The following ZBTB7B variants were observed in gnomAD, a reference collection of about 807,000 sequenced individuals.
ZBTB7B encodes the protein zinc finger and BTB domain-containing protein 7B.
Under a neutral mutation model 31.0 loss-of-function variants are expected in ZBTB7B, and 8 were observed. That is an observed-to-expected ratio of 0.26 (90% CI 0.15 to 0.47). The LOEUF (loss-of-function observed/expected upper bound fraction) is 0.47. Ranked by LOEUF, ZBTB7B falls within the 20% of genes least tolerant of loss-of-function variation. The pLI, the probability that ZBTB7B is intolerant of heterozygous loss-of-function variation, is 0.99. For synonymous variants in ZBTB7B, 261 were observed against 307.3 expected (o/e 0.85, Z 1.58); for missense variants, 494 against 742.4 (o/e 0.67, Z 3.89).
Position 155,004,715 on chromosome 1 carries a change from G to A in ZBTB7B, c.-7+1772G>A, listed in dbSNP as rs1231342596. ...CCCCTGGAGCAGCTGATGAAACAAG[G>A]AGAAATCTCTGTCAGTGCCTCTGTC... On this transcript the variant is annotated intron_variant, in intron 1 of 2. Coordinates refer to ENST00000535420, the MANE Select transcript of ZBTB7B (RefSeq NM_001256455.2). This position sits in a 1 kb window ranked among gnomAD's most constrained non-coding sequence, Gnocchi z 4.0. 1.3e-5 allele frequency among the ~76,000 whole-genome samples: 2 copies of A among 152,068 alleles called. No homozygotes were observed. The highest frequency in any genetic ancestry group is 2.9e-5 in the Non-Finnish European group (2 of 67,974).
At position 155,009,651 on chromosome 1, in the gene ZBTB7B, T is replaced by C. The variant is rs1658817269; in HGVS notation, c.-6-5004T>C. On this transcript the variant is annotated intron_variant, in intron 1 of 2. Coordinates refer to ENST00000535420, the MANE Select transcript of ZBTB7B (RefSeq NM_001256455.2). ...GCTGCAAACCCCCCTCCACCACTCA[T>C]TCTCCCCAACTGGCTCCCAAATTGT... is the stretch of plus-strand genomic sequence containing the variant. Among the ~76,000 whole-genome samples the C allele has an allele frequency of 1.4e-5, 2 of 147,650 alleles. 1 individual carries two copies. Among genetic ancestry groups the C allele is most frequent in the South Asian group, 4.7e-4 (2 of 4,284 alleles).
rs977787134 is a variant in ZBTB7B, at chr1:155,018,301, C to T, written c.*1616C>T. On this transcript the variant is annotated 3_prime_UTR_variant, in exon 3 of 3. Transcript: ENST00000535420. Reference sequence around the variant, plus strand: ...GGGGAGATCGGGTTGTCCTGGGCCTCATCTTAGCATTTCAGGTGATGGGGG... The same window carrying T: ...GGGGAGATCGGGTTGTCCTGGGCCTTATCTTAGCATTTCAGGTGATGGGGG... 204 of 558,928 alleles carry T rather than the reference C, an allele frequency of 3.6e-4. No individual in the cohort carries two copies. The highest frequency in any genetic ancestry group is 1.3e-3 in the Admixed American group (41 of 31,976). The allele number at this position is 558,928 out of a possible 1,614,324, so 34.6% of individuals were successfully genotyped here. A position where few individuals can be genotyped will look rare whatever the true frequency, so the allele number is the denominator to read the frequency against.
chr1:155,015,827 G>C lies in ZBTB7B; in HGVS notation c.1154+13G>C, dbSNP rs565939396. The C allele has an allele frequency of 1.2e-5, 19 of 1,604,944 alleles. No homozygotes were observed. Among genetic ancestry groups the C allele is most frequent in the Admixed American group, 8.4e-5 (5 of 59,802 alleles). On this transcript the variant is annotated intron_variant, in intron 2 of 2. Coordinates refer to ENST00000535420, the MANE Select transcript of ZBTB7B (RefSeq NM_001256455.2). ...TTCGATTCACCAGGTGAGCAGCAAG[G>C]GGGGAAGGGCCCGGCAGGGGCCATG...
chr1:155,015,760 C>T lies in ZBTB7B; in HGVS notation c.1100C>T (p.Thr367Ile). 6.2e-7 allele frequency: 1 copy of T among 1,612,300 alleles called. No homozygotes were observed. Among genetic ancestry groups the T allele is most frequent in the Non-Finnish European group, 8.5e-7 (1 of 1,179,978 alleles). ...GAGKLPRHMR[T>I]HTGEKPFACE... ...GGCAAACTGCCTCGCCACATGAGGA[C>T]CCACACAGGCGAGAAGCCCTTTGCC... The change falls in exon 2 of 3, where the codon ACC (threonine) becomes ATC (isoleucine). Residue 367 changes from threonine to isoleucine, a missense_variant. By Grantham distance (89) the Thr-to-Ile change is moderately conservative. Transcript: ENST00000535420.
In ZBTB7B at chr1:155,015,206, A is replaced by G. The variant is rs749061400; in HGVS notation, c.546A>G (p.Pro182=). The part of the protein sequence containing the change: ...SGVPNGEDSP[P]QVPLPPPPPP... ...TTCCCAATGGTGAAGACAGTCCTCC[A>G]CAGGTGCCCCTCCCACCACCTCCGC... Residue 182 remains proline, a synonymous_variant, in exon 2 of 3, where the codon CCA becomes CCG. Transcript: ENST00000535420. The G allele has an allele frequency of 6.2e-7, 1 of 1,613,750 alleles. No individual in the cohort carries two copies. The highest frequency in any genetic ancestry group is 1.7e-5 in the Admixed American group (1 of 60,020).
rs1571503350 is a variant in ZBTB7B, at chr1:155,004,070, G to T, written c.-7+1127G>T. Among the ~76,000 whole-genome samples, 4 of 152,304 alleles carry T rather than the reference G, an allele frequency of 2.6e-5. No individual in the cohort carries two copies. Among genetic ancestry groups the T allele is most frequent in the African/African-American group, 9.6e-5 (4 of 41,578 alleles). On this transcript the variant is annotated intron_variant, in intron 1 of 2. Transcript: ENST00000535420. The surrounding 1 kb of genome is among the most constrained non-coding windows in gnomAD (Gnocchi z 4.0). The stretch of plus-strand genomic sequence containing the variant: ...GTGAGACCTCGGGGCGCCCTGGGGG[G>T]CAGGGGGGCGGGGAGCCTGGGTCCG...
At position 155,014,673 on chromosome 1, in the gene ZBTB7B, G is replaced by C. The variant is rs376255260; in HGVS notation, c.13G>C (p.Glu5Gln). Residue 5 changes from glutamate (E) to glutamine (Q), a missense_variant, in exon 2 of 3, where the codon GAG (glutamate) becomes CAG (glutamine). Physicochemically the swap from Glu to Gln is conservative, Grantham distance 29. Around this residue, in one of 5 missense-constraint regions of ZBTB7B, gnomAD observed 26 missense variants for 80.4 expected, o/e 0.32. Coordinates refer to ENST00000535420, the MANE Select transcript of ZBTB7B (RefSeq NM_001256455.2). Reference protein sequence around the residue: MGSPEDDLIGIPFPD... With the variant: MGSPQDDLIGIPFPD... ...TCTGCAGGAGAAGATGGGGAGCCCCGAGGATGACCTGATTGGGATTCCATT... is the reference window on the plus strand; with the variant it reads ...TCTGCAGGAGAAGATGGGGAGCCCCCAGGATGACCTGATTGGGATTCCATT... 5.6e-6 allele frequency: 9 copies of C among 1,612,550 alleles called. No homozygotes were observed. Among genetic ancestry groups the C allele is most frequent in the Non-Finnish European group, 7.6e-6 (9 of 1,178,946 alleles).
rs759778269 is a variant in ZBTB7B at position 155,016,331 on chromosome 1, C to T, written c.1266C>T (p.His422=). 35 of 1,614,018 alleles carry T rather than the reference C, an allele frequency of 2.2e-5. No individual in the cohort carries two copies. Among genetic ancestry groups the T allele is most frequent in the African/African-American group, 2.7e-5 (2 of 74,886 alleles). ...GCTACGACCTCAAGAACCACATGCA[C>T]CTGCACACAGGGGACCGGCCCTATG... is the stretch of plus-strand genomic sequence containing the variant. ...LHSYDLKNHM[H]LHTGDRPYEC... Residue 422 remains histidine, a synonymous_variant, in exon 3 of 3, where the codon CAC becomes CAT. Transcript: ENST00000535420. This position sits in a 1 kb window ranked among gnomAD's most constrained non-coding sequence, Gnocchi z 4.3.
Position 155,016,113 on chromosome 1 carries a change from A to G in ZBTB7B, c.1155-107A>G, listed in dbSNP as rs1323779086. On this transcript the variant is annotated intron_variant, in intron 2 of 2. Transcript: ENST00000535420. This position sits in a 1 kb window ranked among gnomAD's most constrained non-coding sequence, Gnocchi z 4.3. ...TATCTCCTGGGGCAATAGTGGGGTAACAAATGGTGAGGAACAGGGATGGGA... is the reference window on the plus strand; with the variant it reads ...TATCTCCTGGGGCAATAGTGGGGTAGCAAATGGTGAGGAACAGGGATGGGA... 5.6e-6 allele frequency: 7 copies of G among 1,246,342 alleles called. No homozygotes were observed. The highest frequency in any genetic ancestry group is 7.9e-6 in the Non-Finnish European group (7 of 888,358). 77.2% of individuals were successfully genotyped at this position (1,246,342 alleles called of 1,614,324 possible). A position where few individuals can be genotyped will look rare whatever the true frequency, so the allele number is the denominator to read the frequency against.
upstream of ZBTB7B, among the ~76,000 whole-genome samples, chr1:155,002,121 C>G (rs985252954): frequency 6.6e-6 from 1 of 152,046 alleles, no homozygotes; most frequent in African/African-American, 2.4e-5. Context: ...CCCCTCCCCC[C>G]TCCTCTCCAG....
Position 155,015,378 on chromosome 1 carries a change from G to A in ZBTB7B, c.718G>A (p.Gly240Ser). 2 of 1,571,554 alleles carry A rather than the reference G, an allele frequency of 1.3e-6. No individual in the cohort carries two copies. The highest frequency in any genetic ancestry group is 1.7e-6 in the Non-Finnish European group (2 of 1,155,486). The change falls in exon 2 of 3, where the codon GGC becomes AGC. Residue 240 changes from glycine (G) to serine (S), a missense_variant. Coordinates refer to ENST00000535420, the MANE Select transcript of ZBTB7B (RefSeq NM_001256455.2). ...PLTYEEEEVAGRVGSSGGSGP... is the reference protein window; with the variant it reads ...PLTYEEEEVASRVGSSGGSGP... The stretch of plus-strand genomic sequence containing the variant: ...GACCTATGAGGAGGAGGAGGTGGCG[G>A]GCAGAGTGGGCAGCAGTGGGGGCAG...
rs1658429075 is a variant in ZBTB7B at position 155,004,315 on chromosome 1, A to C, written c.-7+1372A>C. Among the ~76,000 whole-genome samples, 1 of 152,150 alleles carries C rather than the reference A, an allele frequency of 6.6e-6. No individual in the cohort carries two copies. The highest frequency in any genetic ancestry group is 2.1e-4 in the South Asian group (1 of 4,830). On this transcript the variant is annotated intron_variant, in intron 1 of 2. Coordinates refer to ENST00000535420, the MANE Select transcript of ZBTB7B (RefSeq NM_001256455.2). This position sits in a 1 kb window ranked among gnomAD's most constrained non-coding sequence, Gnocchi z 4.0. Reference sequence around the variant, plus strand: ...AGAATGGGAATGAGTCAGCGCAGCTATTCCCCCTTCCCCCAACTTATTCCT... The same window carrying C: ...AGAATGGGAATGAGTCAGCGCAGCTCTTCCCCCTTCCCCCAACTTATTCCT...
In ZBTB7B at chr1:155,004,495, A is replaced by G. The variant is rs1658439669; in HGVS notation, c.-7+1552A>G. ...GGTTGCCTCCTGCTGCCCCACACAC[A>G]CCAACTGGTTTGGTCACCCCTGTAC... On this transcript the variant is annotated intron_variant, in intron 1 of 2. Coordinates refer to ENST00000535420, the MANE Select transcript of ZBTB7B (RefSeq NM_001256455.2). This position sits in a 1 kb window ranked among gnomAD's most constrained non-coding sequence, Gnocchi z 4.0. Among the ~76,000 whole-genome samples the G allele has an allele frequency of 6.6e-6, 1 of 152,000 alleles. No homozygotes were observed. Among genetic ancestry groups the G allele is most frequent in the Admixed American group, 6.6e-5 (1 of 15,262 alleles).
In ZBTB7B at chr1:155,015,581, G is replaced by A. The variant is rs759252515; in HGVS notation, c.921G>A (p.Glu307=). 1 of 1,613,736 alleles carries A rather than the reference G, an allele frequency of 6.2e-7. No homozygotes were observed. Among genetic ancestry groups the A allele is most frequent in the Non-Finnish European group, 8.5e-7 (1 of 1,179,938 alleles). Reference sequence around the variant, plus strand: ...CCCCAGAGGAGCTGGGCTCAGATGAGGATGCCATCGATCCTGACCTGATGG... The same window carrying A: ...CCCCAGAGGAGCTGGGCTCAGATGAAGATGCCATCGATCCTGACCTGATGG... ...PLSPEELGSD[E]DAIDPDLMAY... Residue 307 remains glutamate, a synonymous_variant, in exon 2 of 3, where the codon GAG becomes GAA. Coordinates refer to ENST00000535420, the MANE Select transcript of ZBTB7B (RefSeq NM_001256455.2).
intron 1 of ZBTB7B, chr1:155,011,108 G>C: frequency 8.6e-7 from 1 of 1,169,560 alleles, no homozygotes; most frequent in Non-Finnish European, 1.2e-6. Context: ...GGTTCCGCCT[G>C]CTGCCCCCCA....
upstream of ZBTB7B, among the ~76,000 whole-genome samples, chr1:155,002,329 G>GA (rs1428572234): frequency 6.7e-6 from 1 of 148,618 alleles, no homozygotes; most frequent in Non-Finnish European, 1.5e-5. Context: ...AGGGGCAGGA[G>GA]AAAGGGGGGG....
intron 1 of ZBTB7B, among the ~76,000 whole-genome samples, chr1:155,013,646 G>A (rs1659152713): frequency 6.6e-6 from 1 of 152,156 alleles, no homozygotes; most frequent in Admixed American, 6.5e-5. Flanking sequence ...GCAGGACCAA[G>A]GCCTTCTGGA....
At chr1:155,010,953 C>G in intron 1 of ZBTB7B, 4 of 1,535,886 alleles carry the variant, frequency 2.6e-6, no homozygotes, top group Non-Finnish European at 3.5e-6. Context: ...TCCCTCACCC[C>G]AAGCTGCTGC....
Position 155,015,609 on chromosome 1 carries a change from T to C in ZBTB7B, c.949T>C (p.Tyr317His), listed in dbSNP as rs1485346945. The change falls in exon 2 of 3, where the codon TAC becomes CAC. Residue 317 changes from tyrosine to histidine, a missense_variant. Transcript: ENST00000535420. ...TGCCATCGATCCTGACCTGATGGCC[T>C]ACCTAAGCTCCCTGCACCAGGACAA... Reference protein sequence around the residue: ...EDAIDPDLMAYLSSLHQDNLA... With the variant: ...EDAIDPDLMAHLSSLHQDNLA... 6.2e-7 allele frequency: 1 copy of C among 1,613,730 alleles called. No individual in the cohort carries two copies. Among genetic ancestry groups the C allele is most frequent in the South Asian group, 1.1e-5 (1 of 91,068 alleles).
Sources: allele counts gnomAD v4.1 joint callset (sites outside exome capture counted in the v4.1 genomes callset), GRCh38; gene constraint gnomAD v4.1.1; regional missense constraint gnomAD v4.1.1; non-coding constraint Gnocchi (gnomAD v3.1); transcripts MANE v1.5; gene names NCBI Gene and HGNC (gene_info 2026-07-23, HGNC 2026-07-21).